TOX2: variants seen among roughly 807,000 people sequenced by gnomAD.
TOX2 encodes TOX high mobility group box family member 2.
TOX2 carries 15 observed loss-of-function variants against 47.4 expected under a neutral mutation model. That is an observed-to-expected ratio of 0.32 (90% CI 0.21 to 0.49). The LOEUF is 0.49. Ranked by LOEUF, TOX2 falls within the 20% of genes least tolerant of loss-of-function variation. TOX2 has a pLI of 0.99. For missense variants in TOX2, 622 were observed against 673.1 expected (o/e 0.92, Z 0.84); for synonymous variants, 290 against 296.6 (o/e 0.98, Z 0.23).
intron 2 of TOX2, among the ~76,000 whole-genome samples, chr20:43,974,547 G>A (rs374123163): frequency 1.3e-5 from 2 of 152,208 alleles, no homozygotes; most frequent in African/African-American, 4.8e-5. Context: ...GGGCAACCCC[G>A]GCCCTGGAGC....
Position 43,951,707 on chromosome 20 carries a change from G to GTTTTTTTTTTTTTTTTT in TOX2, c.100-21655_100-21639dup, listed in dbSNP as rs59829203. On this transcript the variant is annotated intron_variant, in intron 1 of 8. Coordinates refer to ENST00000341197, the MANE Select transcript of TOX2 (RefSeq NM_001098797.2). Reference sequence around the variant, plus strand: ...TGACCATTACTATTAAACTTATTATGTTTTTTTTTTTTTTTTTTTTTAGAG... The same window carrying GTTTTTTTTTTTTTTTTT: ...TGACCATTACTATTAAACTTATTATGTTTTTTTTTTTTTTTTTTTTTTTTTTTTTTTTTTTTTTAGAG... 1.5e-3 allele frequency among the ~76,000 whole-genome samples: 82 copies of GTTTTTTTTTTTTTTTTT among 55,072 alleles called. 16 individuals carry two copies. Among genetic ancestry groups the GTTTTTTTTTTTTTTTTT allele is most frequent in the African/African-American group, 3.6e-3 (66 of 18,504 alleles). The allele number at this position is 55,072 out of a possible 152,430, so 36.1% of individuals were successfully genotyped here.
intron 3 of TOX2, among the ~76,000 whole-genome samples, chr20:44,026,879 T>G (rs1376072281): frequency 6.6e-6 from 1 of 152,112 alleles, no homozygotes; most frequent in African/African-American, 2.4e-5. Flanking sequence ...CCCACAACTC[T>G]CCTGGGAAAG....
chr20:43,932,998 A>G (rs2069275922), intron 1 of TOX2, among the ~76,000 whole-genome samples: 1 of 152,132 alleles, frequency 6.6e-6, no homozygotes, highest in South Asian at 2.1e-4. Context: ...CAAAGGCTAT[A>G]ATTGACTAAC....
chr20:43,972,561 C>T (rs2069993930), intron 1 of TOX2, among the ~76,000 whole-genome samples: 1 of 152,196 alleles, frequency 6.6e-6, no homozygotes, highest in Non-Finnish European at 1.5e-5. Context: ...TGTGTTGAGT[C>T]AAGTGCTCTA....
intron 3 of TOX2, among the ~76,000 whole-genome samples, chr20:44,009,465 A>G (rs2070744367): frequency 6.6e-6 from 1 of 152,206 alleles, no homozygotes; most frequent in Admixed American, 6.5e-5. Flanking sequence ...TGGGTCCATC[A>G]ATAATGCAAG....
chr20:43,952,927 TG>T (rs2069605768), intron 1 of TOX2, among the ~76,000 whole-genome samples: 1 of 151,988 alleles, frequency 6.6e-6, no homozygotes, highest in South Asian at 2.1e-4. Flanking sequence ...TTAAGGGTCT[TG>T]GGATGGGGAG....
intron 5 of TOX2, among the ~76,000 whole-genome samples, chr20:44,056,050 T>A (rs1032955037): frequency 6.6e-6 from 1 of 152,104 alleles, no homozygotes; most frequent in Admixed American, 6.6e-5. Context: ...GAATCCACCA[T>A]GGGCAACTGG....
chr20:43,933,644 G>A (rs1600659304), intron 1 of TOX2, among the ~76,000 whole-genome samples: 1 of 152,300 alleles, frequency 6.6e-6, no homozygotes, highest in East Asian at 1.9e-4. Context: ...GGGATGTTAC[G>A]AGAAAGCGGG....
chr20:43,993,870 A>G (rs1413876862), intron 2 of TOX2, among the ~76,000 whole-genome samples: 4 of 152,204 alleles, frequency 2.6e-5, no homozygotes, highest in Non-Finnish European at 5.9e-5. Context: ...ATGTAATTTG[A>G]GGCTGGGCAC....
intron 3 of TOX2, among the ~76,000 whole-genome samples, chr20:44,013,452 C>G (rs1200163297): frequency 6.6e-6 from 1 of 152,226 alleles, no homozygotes; most frequent in African/African-American, 2.4e-5. Flanking sequence ...AAGAAAGACC[C>G]TCAACCCTTG....
intron 1 of TOX2, among the ~76,000 whole-genome samples, chr20:43,938,570 G>A (rs573148843): frequency 1.3e-5 from 2 of 152,310 alleles, no homozygotes; most frequent in East Asian, 3.9e-4. Flanking sequence ...GAGGGAGGGC[G>A]CTGAGCCTGT....
chr20:44,003,929 C>T lies in TOX2; in HGVS notation c.166-2618C>T, dbSNP rs560287681. 1.4e-4 allele frequency among the ~76,000 whole-genome samples: 22 copies of T among 152,176 alleles called. No homozygotes were observed. The South Asian group carries it at 3.7e-3, about 26-fold the overall frequency. Reference sequence around the variant, plus strand: ...TCATCATTTGATGTGGGATTGACATCGTGTGATGATCATCTTGACAGAGAC... The same window carrying T: ...TCATCATTTGATGTGGGATTGACATTGTGTGATGATCATCTTGACAGAGAC... On this transcript the variant is annotated intron_variant, in intron 2 of 8. Coordinates refer to ENST00000341197, the MANE Select transcript of TOX2 (RefSeq NM_001098797.2).
At chr20:43,982,250 T>G (rs1259795854) in intron 2 of TOX2, among the ~76,000 whole-genome samples, 1 of 151,526 alleles carries the variant, frequency 6.6e-6, no homozygotes, top group African/African-American at 2.4e-5. Context: ...GGACTGCGGG[T>G]GAGAGGTGGT....
chr20:44,005,297 T>C (rs1383606107), intron 2 of TOX2, among the ~76,000 whole-genome samples: 1 of 152,184 alleles, frequency 6.6e-6, no homozygotes. Context: ...GCACATAAAC[T>C]CTCTTTCATA....
chr20:43,987,823 C>A (rs111397076), intron 2 of TOX2, among the ~76,000 whole-genome samples: 1 of 152,094 alleles, frequency 6.6e-6, no homozygotes, highest in Non-Finnish European at 1.5e-5. Context: ...GCACGGGCTT[C>A]CCCAGATCTG....
chr20:44,018,709 C>T (rs1342889548), intron 3 of TOX2, among the ~76,000 whole-genome samples: 2 of 152,218 alleles, frequency 1.3e-5, no homozygotes, highest in East Asian at 3.8e-4. Flanking sequence ...AAGACAAATA[C>T]AGCTCATCTA....
intron 1 of TOX2, among the ~76,000 whole-genome samples, chr20:43,931,443 A>C (rs2069251658): frequency 6.6e-6 from 1 of 152,090 alleles, no homozygotes; most frequent in Non-Finnish European, 1.5e-5. Flanking sequence ...CTAAACATAC[A>C]CGTCTGTTAA....
Position 43,916,377 on chromosome 20 carries a change from G to A in TOX2, c.99+1387G>A, listed in dbSNP as rs1259592035. ...CCCTGAGTGCGCCCTCAGGCCCCAG[G>A]GGAGCGGCTTCTGGCAAAGCCTCCC... On this transcript the variant is annotated intron_variant, in intron 1 of 8. Transcript: ENST00000341197. This position sits in a 1 kb window ranked among gnomAD's most constrained non-coding sequence, Gnocchi z 5.0. 6.6e-6 allele frequency among the ~76,000 whole-genome samples: 1 copy of A among 152,256 alleles called. No individual in the cohort carries two copies. Among genetic ancestry groups the A allele is most frequent in the African/African-American group, 2.4e-5 (1 of 41,472 alleles).
intron 5 of TOX2, among the ~76,000 whole-genome samples, chr20:44,063,166 G>T (rs1466025089): frequency 6.6e-6 from 1 of 152,058 alleles, no homozygotes; most frequent in Non-Finnish European, 1.5e-5. Context: ...CTAAAAAGCT[G>T]CACAGCAAAA....
Sources: allele counts gnomAD v4.1 joint callset (sites outside exome capture counted in the v4.1 genomes callset), GRCh38; gene constraint gnomAD v4.1.1; non-coding constraint Gnocchi (gnomAD v3.1); transcripts MANE v1.5; gene names NCBI Gene and HGNC (gene_info 2026-07-23, HGNC 2026-07-21).